The following SMYD2 variants were observed in gnomAD, a reference collection of about 807,000 sequenced individuals.
SMYD2 encodes the protein SET and MYND domain containing 2, also known as N-lysine methyltransferase SMYD2.
SMYD2 carries 53 observed loss-of-function variants against 59.1 expected under a neutral mutation model. The observed-to-expected ratio is 0.90, with a 90% CI of 0.72 to 1.13. The LOEUF (loss-of-function observed/expected upper bound fraction) is 1.13, where lower values mean the gene tolerates loss of function less well. SMYD2 is among the 50% of genes most tolerant of loss of function. SMYD2 has a pLI of 0.00. For missense variants in SMYD2, 494 were observed against 544.7 expected (o/e 0.91, Z 0.93); for synonymous variants, 208 against 198.8 (o/e 1.05, Z -0.39).
Position 214,332,064 on chromosome 1 carries a change from G to A in SMYD2, c.984G>A (p.Met328Ile), listed in dbSNP as rs1323323505. The change falls in exon 10 of 12, where the codon ATG (methionine) becomes ATA (isoleucine). Residue 328 changes from methionine to isoleucine, a missense_variant. By Grantham distance (10) the Met-to-Ile change is conservative. Transcript: ENST00000366957. ...LEICELSQEK[M>I]SSVFEDSNVY... ...TCTGCGAGCTCAGCCAGGAGAAGAT[G>A]AGCTCTGTGTTTGAGGACAGTAACG... The A allele has an allele frequency of 1.9e-6, 3 of 1,614,038 alleles. No individual in the cohort carries two copies. The highest frequency in any genetic ancestry group is 3.3e-5 in the Admixed American group (2 of 60,022).
Position 214,312,259 on chromosome 1 carries a change from C to T in SMYD2, c.238-2503C>T, listed in dbSNP as rs1472979508. ...ATCATTAAGTGACATTATGTGCTTC[C>T]TTCTTGGGGGATCAGTGTGGAGGGA... On this transcript the variant is annotated intron_variant, in intron 2 of 11. Transcript: ENST00000366957. This position sits in a 1 kb window ranked among gnomAD's most constrained non-coding sequence, Gnocchi z 4.1. 6.6e-6 allele frequency among the ~76,000 whole-genome samples: 1 copy of T among 152,150 alleles called. No homozygotes were observed. The highest frequency in any genetic ancestry group is 6.5e-5 in the Admixed American group (1 of 15,280).
intron 1 of SMYD2, among the ~76,000 whole-genome samples, chr1:214,283,966 A>G (rs1246148141): frequency 6.6e-6 from 1 of 152,174 alleles, no homozygotes; most frequent in Non-Finnish European, 1.5e-5. Context: ...AAATAATGGA[A>G]AATGTCTTAA....
At chr1:214,288,009 G>GGGC (rs1182766906) in intron 1 of SMYD2, among the ~76,000 whole-genome samples, 1 of 152,110 alleles carries the variant, frequency 6.6e-6, no homozygotes, top group African/African-American at 2.4e-5. Flanking sequence ...TAGCTTATAG[G>GGGC]GGCTCAGTGA....
At chr1:214,306,028 G>T (rs935138383) in intron 2 of SMYD2, among the ~76,000 whole-genome samples, 1 of 152,148 alleles carries the variant, frequency 6.6e-6, no homozygotes, top group African/African-American at 2.4e-5. Context: ...CACTAGTATG[G>T]CATTGTGAAT....
At chr1:214,313,448 A>G (rs1210812289) in intron 2 of SMYD2, among the ~76,000 whole-genome samples, 1 of 151,468 alleles carries the variant, frequency 6.6e-6, no homozygotes, top group Non-Finnish European at 1.5e-5. Context: ...ACCCAATTCC[A>G]TCGTGAAAGA....
intron 2 of SMYD2, among the ~76,000 whole-genome samples, chr1:214,310,969 G>A (rs1016213720): frequency 9.2e-5 from 14 of 151,888 alleles, no homozygotes; most frequent in African/African-American, 2.2e-4. Flanking sequence ...CCCTTCCTCC[G>A]TTAATCCACC....
At chr1:214,324,521 TA>T in intron 5 of SMYD2, 119 bp from the exon 6 acceptor site, 1 of 870,126 alleles carries the variant, frequency 1.1e-6, no homozygotes. Flanking sequence ...AGAAAGGGTT[TA>T]AAACCACTAC....
chr1:214,293,093 C>T (rs1479812168), intron 1 of SMYD2, among the ~76,000 whole-genome samples: 1 of 151,284 alleles, frequency 6.6e-6, no homozygotes, highest in Non-Finnish European at 1.5e-5. Flanking sequence ...CTCTCTGTCA[C>T]CCAGGCTGGA....
At chr1:214,306,471 T>C (rs1013604278) in intron 2 of SMYD2, among the ~76,000 whole-genome samples, 5 of 152,210 alleles carry the variant, frequency 3.3e-5, no homozygotes, top group Admixed American at 6.5e-5. Context: ...CTGAAGACCA[T>C]ATGCACCGTC....
chr1:214,334,718 C>T (rs1657409692), intron 11 of SMYD2, among the ~76,000 whole-genome samples: 1 of 152,206 alleles, frequency 6.6e-6, no homozygotes, highest in African/African-American at 2.4e-5. Context: ...TGCACTTAAT[C>T]ATCCTCTCAG....
At chr1:214,327,757 G>A in intron 7 of SMYD2, 33 bp downstream of exon 7, 1 of 1,580,388 alleles carries the variant, frequency 6.3e-7, no homozygotes, top group Non-Finnish European at 8.7e-7. Context: ...CTGCAGCAGG[G>A]GGCTTGAGAC....
intron 7 of SMYD2, among the ~76,000 whole-genome samples, chr1:214,328,252 C>CT (rs150320436): frequency 0.012 from 1,903 of 152,314 alleles, 23 homozygotes; most frequent in African/African-American, 0.043. Context: ...ATTTCGTGTT[C>CT]TATCAGTTCC....
At chr1:214,332,369 AC>A in intron 10 of SMYD2, 177 bp downstream of exon 10, 1 of 689,856 alleles carries the variant, frequency 1.4e-6, no homozygotes, top group Non-Finnish European at 2.4e-6. Context: ...GCCTGTTCTC[AC>A]CATCATCCCA....
At chr1:214,304,960 C>A (rs1009295599) in intron 1 of SMYD2, among the ~76,000 whole-genome samples, 5 of 152,178 alleles carry the variant, frequency 3.3e-5, no homozygotes, top group African/African-American at 4.8e-5. Context: ...GCTCTTCATA[C>A]TGGTGGGTTT....
At chr1:214,283,302 T>C (rs1656478429) in intron 1 of SMYD2, among the ~76,000 whole-genome samples, 1 of 152,244 alleles carries the variant, frequency 6.6e-6, no homozygotes, top group African/African-American at 2.4e-5. Flanking sequence ...TAAATTTTTC[T>C]GATTGACATT....
At chr1:214,332,893 C>T (rs1368387418) in intron 10 of SMYD2, 1 of 152,200 alleles carries the variant, frequency 6.6e-6, no homozygotes, top group Non-Finnish European at 1.5e-5. Flanking sequence ...TATGCATTTA[C>T]AGGGTACGTC....
Position 214,318,306 on chromosome 1 carries a change from T to G in SMYD2, c.409+167T>G, listed in dbSNP as rs1657116606. 6.6e-6 allele frequency among the ~76,000 whole-genome samples: 1 copy of G among 152,198 alleles called. No individual in the cohort carries two copies. Among genetic ancestry groups the G allele is most frequent in the Non-Finnish European group, 1.5e-5 (1 of 68,048 alleles). On this transcript the variant is annotated intron_variant, in intron 4 of 11. Coordinates refer to ENST00000366957, the MANE Select transcript of SMYD2 (RefSeq NM_020197.3). The surrounding 1 kb of genome is among the most constrained non-coding windows in gnomAD (Gnocchi z 5.4). ...TGCTGTTTCGAAAAGCACTTTTAGCTTTTTTCTTCTGAGTTGACAGGATTG... is the reference window on the plus strand; with the variant it reads ...TGCTGTTTCGAAAAGCACTTTTAGCGTTTTTCTTCTGAGTTGACAGGATTG...
Position 214,312,394 on chromosome 1 carries a change from T to C in SMYD2, c.238-2368T>C, listed in dbSNP as rs1657011542. 6.6e-6 allele frequency among the ~76,000 whole-genome samples: 1 copy of C among 152,192 alleles called. No individual in the cohort carries two copies. The highest frequency in any genetic ancestry group is 2.4e-5 in the African/African-American group (1 of 41,442). On this transcript the variant is annotated intron_variant, in intron 2 of 11. Coordinates refer to ENST00000366957, the MANE Select transcript of SMYD2 (RefSeq NM_020197.3). This position sits in a 1 kb window ranked among gnomAD's most constrained non-coding sequence, Gnocchi z 4.1. ...ACAGCTATGAACAAAACAAAATTTC[T>C]TTATTTTCCTGGGGAGAGACAGATA... is the stretch of plus-strand genomic sequence containing the variant.
chr1:214,336,680 A>C (rs1001580291), intron 11 of SMYD2, 24 bp from the exon 12 acceptor site: 21 of 1,611,090 alleles, frequency 1.3e-5, no homozygotes, highest in Non-Finnish European at 1.6e-5. Context: ...CTAGGCTCTC[A>C]TTGTTTGTCT....
Sources: gnomAD v4.1 joint callset for allele counts (sites outside exome capture counted in the v4.1 genomes callset) on GRCh38, gnomAD v4.1.1 for gene constraint, Gnocchi (gnomAD v3.1) non-coding constraint, MANE v1.5 for transcripts, NCBI Gene and HGNC (gene_info 2026-07-23, HGNC 2026-07-21) for gene names.